Variants in FUBP1 observed in about 807,000 individuals in gnomAD.
FUBP1 encodes far upstream element binding protein 1.
A neutral mutation model predicts 94.9 loss-of-function variants in FUBP1; 16 were observed. The ratio of observed to expected loss-of-function variants is 0.17; its 90% CI spans 0.11 to 0.26. The LOEUF (loss-of-function observed/expected upper bound fraction) is 0.26, where lower values mean the gene tolerates loss of function less well. Among genes scored for constraint, FUBP1 ranks in the 10% least tolerant of loss-of-function variants. The pLI is 1.00. For missense variants in FUBP1, 583 were observed against 808.6 expected (o/e 0.72, Z 3.38); for synonymous variants, 279 against 254.9 (o/e 1.09, Z -0.90).
rs764714869 is a variant in FUBP1, at chr1:77,956,719, C to T, written c.1577-19G>A. On this transcript the variant is annotated intron_variant, in intron 16 of 19. Coordinates refer to ENST00000370768, the MANE Select transcript of FUBP1 (RefSeq NM_003902.5). ...GCCTTAGCTAAAATAAATGAAAGTT[C>T]AAGGTTTGCATGTGAAGTCTGTAAT... 1.3e-5 allele frequency: 21 copies of T among 1,602,302 alleles called. No individual in the cohort carries two copies. In the South Asian group the frequency reaches 2.3e-4, roughly 18 times the overall value.
chr1:77,977,787 G>C (rs1360643978), intron 1 of FUBP1, among the ~76,000 whole-genome samples: 1 of 152,180 alleles, frequency 6.6e-6, no homozygotes, highest in Admixed American at 6.5e-5. Context: ...ACTACTCCTA[G>C]TATTTCTGGT....
rs774576107 is a variant in FUBP1, at chr1:77,966,906, T to G, written c.393A>C (p.Gly131=). 1 of 1,599,188 alleles carries G rather than the reference T, an allele frequency of 6.3e-7. No individual in the cohort carries two copies. The highest frequency in any genetic ancestry group is 1.7e-5 in the Admixed American group (1 of 59,968). Residue 131 remains glycine (G), a synonymous_variant, in exon 6 of 20, where the codon GGA becomes GGC. Transcript: ENST00000370768. The part of the protein sequence containing the change: ...EQISRIQQES[G]CKIQIAPDSG... ...TACCAGGAGCTATCTGTATTTTGCA[T>G]CCAGATTCCTGTTGTATGCGTGAGA...
Position 77,946,535 on chromosome 1 carries a change from G to T in FUBP1, c.*2231C>A, listed in dbSNP as rs550573906. On this transcript the variant is annotated 3_prime_UTR_variant, in exon 20 of 20. Transcript: ENST00000370768. ...TGTCCTTAGGTTGTGCTTACCTGGT[G>T]CTTTTTGCAGCAGAACCTAAGGTGG... is the stretch of plus-strand genomic sequence containing the variant. 1.5e-5 allele frequency: 3 copies of T among 201,986 alleles called. No individual in the cohort carries two copies. The East Asian group carries it at 2.3e-4, about 15-fold the overall frequency. 12.5% of individuals were successfully genotyped at this position (201,986 alleles called of 1,614,324 possible). A position where few individuals can be genotyped will look rare whatever the true frequency, so the allele number is the denominator to read the frequency against.
In FUBP1 at chr1:77,945,293, C is replaced by T; in HGVS notation, c.*3473G>A. On this transcript the variant is annotated 3_prime_UTR_variant, in exon 20 of 20. Coordinates refer to ENST00000370768, the MANE Select transcript of FUBP1 (RefSeq NM_003902.5). ...GAGCCCCTTTATATTATCAATTGTA[C>T]ATACCTATCATTGACTATTAAAACA... Among the ~76,000 whole-genome samples, 1 of 151,844 alleles carries T rather than the reference C, an allele frequency of 6.6e-6. No individual in the cohort carries two copies. Among genetic ancestry groups the T allele is most frequent in the Non-Finnish European group, 1.5e-5 (1 of 67,864 alleles).
intron 1 of FUBP1, among the ~76,000 whole-genome samples, chr1:77,971,309 T>C (rs1373694294): frequency 2.6e-5 from 4 of 152,164 alleles, no homozygotes; most frequent in Admixed American, 6.5e-5. Flanking sequence ...ATATTTGAAA[T>C]CTTCCATGAA....
intron 1 of FUBP1, among the ~76,000 whole-genome samples, chr1:77,974,702 T>TA (rs1658280951): frequency 6.6e-6 from 1 of 152,224 alleles, no homozygotes; most frequent in East Asian, 1.9e-4. Context: ...TATAGATACA[T>TA]ATGTATAGGA....
chr1:77,946,072 TTAAGAA>T lies in FUBP1; in HGVS notation c.*2688_*2693del, dbSNP rs1226050874. Among the ~76,000 whole-genome samples the T allele has an allele frequency of 1.3e-5, 2 of 152,072 alleles. No individual in the cohort carries two copies. Among genetic ancestry groups the T allele is most frequent in the Non-Finnish European group, 2.9e-5 (2 of 67,884 alleles). ...AATATCCTTACTGAATTATTATAGTTTAAGAATAAGAAAAAAATAAAGAAATTATAA... is the reference window on the plus strand; with the variant it reads ...AATATCCTTACTGAATTATTATAGTTTAAGAAAAAAATAAAGAAATTATAA... On this transcript the variant is annotated 3_prime_UTR_variant, in exon 20 of 20. Transcript: ENST00000370768.
chr1:77,979,345 A>C, upstream of FUBP1: 2 of 271,138 alleles, frequency 7.4e-6, no homozygotes, highest in Non-Finnish European at 1.4e-5. Flanking sequence ...TGGCCAGTTG[A>C]CTGCGACTGT....
chr1:77,968,913 TA>T, intron 2 of FUBP1: 1 of 396,638 alleles, frequency 2.5e-6, no homozygotes, highest in Non-Finnish European at 5.1e-6. Context: ...GCAGCAAAAA[TA>T]AAATATGCGC....
chr1:77,979,266 TG>T, upstream of FUBP1: 2 of 452,630 alleles, frequency 4.4e-6, no homozygotes, highest in Non-Finnish European at 8.0e-6. Flanking sequence ...GAATTTCTTT[TG>T]GCACCTCCTC....
intron 17 of FUBP1, 88 bp from the exon 18 acceptor site, chr1:77,955,417 G>C (rs528042968): frequency 1.4e-6 from 1 of 732,392 alleles, no homozygotes; most frequent in East Asian, 2.6e-5. Flanking sequence ...AGCTGGCAGG[G>C]GCCTGCAATG....
At chr1:77,952,897 C>T (rs565449251) in intron 18 of FUBP1, among the ~76,000 whole-genome samples, 1 of 151,590 alleles carries the variant, frequency 6.6e-6, no homozygotes, top group Admixed American at 6.6e-5. Context: ...CAACACTTTG[C>T]GAGGCTGAGG....
At chr1:77,969,836 A>G (rs970480635) in intron 2 of FUBP1, 89 bp downstream of exon 2, 5 of 574,528 alleles carry the variant, frequency 8.7e-6, no homozygotes, top group South Asian at 3.0e-5. Context: ...ATAAAAGTTA[A>G]TATCTCAATA....
intron 19 of FUBP1, 166 bp downstream of exon 19, chr1:77,948,989 A>G (rs1386508342): frequency 1.4e-5 from 13 of 909,124 alleles, no homozygotes; most frequent in Non-Finnish European, 1.7e-6. Flanking sequence ...GGAAAGCATT[A>G]TAAAAAACAA....
At chr1:77,977,335 C>G (rs887987340) in intron 1 of FUBP1, among the ~76,000 whole-genome samples, 15 of 152,084 alleles carry the variant, frequency 9.9e-5, no homozygotes, top group Non-Finnish European at 4.4e-5. Flanking sequence ...GAAACCCTGT[C>G]TCTACTGAAA....
At chr1:77,966,998 T>A in intron 5 of FUBP1, 43 bp from the exon 6 acceptor site, 1 of 1,539,402 alleles carries the variant, frequency 6.5e-7, no homozygotes, top group Non-Finnish European at 9.0e-7. Context: ...TGAAAGATTC[T>A]AAAGTATGTT....
At chr1:77,966,585 T>C in intron 7 of FUBP1, 109 bp downstream of exon 7, 1 of 670,364 alleles carries the variant, frequency 1.5e-6, no homozygotes, top group Non-Finnish European at 2.7e-6. Context: ...TGAGGGAAGG[T>C]GGCAGCGAAA....
In FUBP1 at chr1:77,963,610, C is replaced by A. The variant is rs762087256; in HGVS notation, c.1147G>T (p.Val383Leu). 1 of 1,598,044 alleles carries A rather than the reference C, an allele frequency of 6.3e-7. No individual in the cohort carries two copies. The highest frequency in any genetic ancestry group is 8.6e-7 in the Non-Finnish European group (1 of 1,165,556). The change falls in exon 13 of 20, where the codon GTG (valine) becomes TTG (leucine). Residue 383 changes from valine (V) to leucine (L), a missense_variant. Coordinates refer to ENST00000370768, the MANE Select transcript of FUBP1 (RefSeq NM_003902.5). ...ATTAATCCAGTTTTCCCAGTTGGCA[C>A]AATAAAATTAAATTCCTGTAGTCCA... ...PGGLQEFNFI[V>L]PTGKTGLIIG...
chr1:77,965,351 G>C, intron 7 of FUBP1, 120 bp from the exon 8 acceptor site: 1 of 511,200 alleles, frequency 2.0e-6, no homozygotes, highest in Non-Finnish European at 3.4e-6. Context: ...TAGGTGCCTT[G>C]ATGCTAACTT....
Sources: allele counts gnomAD v4.1 joint callset (sites outside exome capture counted in the v4.1 genomes callset), GRCh38; gene constraint gnomAD v4.1.1; transcripts MANE v1.5; gene names NCBI Gene and HGNC (gene_info 2026-07-23, HGNC 2026-07-21).